Variants in LARGE1 observed in about 807,000 individuals in gnomAD.
LARGE1 encodes xylosyl- and glucuronyltransferase LARGE1.
Under a neutral mutation model 87.6 loss-of-function variants are expected in LARGE1, and 43 were observed. That is an observed-to-expected ratio of 0.49 (90% CI 0.38 to 0.63). The LOEUF (loss-of-function observed/expected upper bound fraction) is 0.63. LARGE1 is among the 30% of genes least tolerant of loss of function. The probability of loss-of-function intolerance (pLI) is 0.00; values close to 1 mark genes in which losing one functional copy is unlikely to be tolerated. For missense variants in LARGE1, 802 were observed against 1,000.2 expected (o/e 0.80, Z 2.67); for synonymous variants, 434 against 394.6 (o/e 1.10, Z -1.18).
At chr22:33,756,862 C>T (rs763169003) in intron 2 of LARGE1, among the ~76,000 whole-genome samples, 3 of 152,020 alleles carry the variant, frequency 2.0e-5, no homozygotes, top group Non-Finnish European at 4.4e-5. Context: ...AAACAACTGA[C>T]GCAGCTACAA....
chr22:33,837,750 A>G (rs944863450), intron 1 of LARGE1, among the ~76,000 whole-genome samples: 1 of 152,222 alleles, frequency 6.6e-6, no homozygotes, highest in African/African-American at 2.4e-5. Context: ...TGAGAACTTC[A>G]AGAGGCTCTG....
intron 6 of LARGE1, among the ~76,000 whole-genome samples, chr22:33,558,413 G>A (rs1291642948): frequency 6.6e-6 from 1 of 152,142 alleles, no homozygotes; most frequent in Non-Finnish European, 1.5e-5. Flanking sequence ...GAAGGAAAGG[G>A]GAAAGAAACA....
At chr22:33,808,679 C>T (rs1328818708) in intron 1 of LARGE1, among the ~76,000 whole-genome samples, 2 of 152,192 alleles carry the variant, frequency 1.3e-5, no homozygotes, top group Non-Finnish European at 2.9e-5. Flanking sequence ...TTCACAGTGA[C>T]GAGTACACTG....
chr22:33,319,553 G>A (rs1194719166), intron 10 of LARGE1, among the ~76,000 whole-genome samples: 2 of 152,094 alleles, frequency 1.3e-5, no homozygotes, highest in East Asian at 1.9e-4. Context: ...TCACCACCAC[G>A]CCCGGCTAAT....
At chr22:33,844,813 C>T (rs1043224686) in intron 1 of LARGE1, among the ~76,000 whole-genome samples, 8 of 151,676 alleles carry the variant, frequency 5.3e-5, no homozygotes, top group African/African-American at 7.3e-5. Flanking sequence ...CTCCGCCTCC[C>T]GGGCTCAAGA....
intron 2 of LARGE1, among the ~76,000 whole-genome samples, chr22:33,674,160 T>G (rs1419051092): frequency 6.6e-6 from 1 of 152,010 alleles, no homozygotes; most frequent in Non-Finnish European, 1.5e-5. Flanking sequence ...GCCATACTGG[T>G]CTCGAGCTCC....
chr22:33,159,103 C>T (rs1429231161), downstream of LARGE1, among the ~76,000 whole-genome samples: 4 of 151,950 alleles, frequency 2.6e-5, no homozygotes, highest in African/African-American at 7.3e-5. Context: ...TGTTTCAAAC[C>T]CTCATTTCTT....
chr22:33,337,952 T>G (rs1378636978), intron 9 of LARGE1, 151 bp from the exon 10 acceptor site: 2 of 843,670 alleles, frequency 2.4e-6, no homozygotes, highest in Non-Finnish European at 3.7e-6. Flanking sequence ...TGGTTAAGGG[T>G]AGGGGCTCGG....
chr22:33,406,702 G>A (rs2147379543), intron 7 of LARGE1, among the ~76,000 whole-genome samples: 1 of 152,312 alleles, frequency 6.6e-6, no homozygotes, highest in South Asian at 2.1e-4. Context: ...GTGGAGGAGT[G>A]GAATTTGGGG....
chr22:33,848,772 CAG>C (rs1385546090), intron 1 of LARGE1, among the ~76,000 whole-genome samples: 1 of 152,190 alleles, frequency 6.6e-6, no homozygotes, highest in Non-Finnish European at 1.5e-5. Flanking sequence ...GCCTCTGAGG[CAG>C]AGAGAGGGAC....
At chr22:33,212,951 G>T (rs1268604764) in intron 11 of LARGE1, among the ~76,000 whole-genome samples, 2 of 152,052 alleles carry the variant, frequency 1.3e-5, no homozygotes, top group African/African-American at 4.8e-5. Context: ...CCAGGAGGCG[G>T]GGTCTGCAGT....
chr22:33,277,031 A>G (rs1222956904), intron 14 of LARGE1, 29 bp downstream of exon 14: 1 of 1,610,042 alleles, frequency 6.2e-7, no homozygotes, highest in Non-Finnish European at 8.5e-7. Context: ...CCCGTCGACC[A>G]TACCAGGTGG....
intron 1 of LARGE1, among the ~76,000 whole-genome samples, chr22:33,884,855 A>G (rs889057901): frequency 1.1e-4 from 16 of 152,208 alleles, no homozygotes; most frequent in Non-Finnish European, 1.5e-4. Flanking sequence ...GGCTCTCTGC[A>G]GCTTCTGAGA....
At chr22:33,753,318 CA>C (rs986559441) in intron 2 of LARGE1, among the ~76,000 whole-genome samples, 2 of 152,188 alleles carry the variant, frequency 1.3e-5, no homozygotes, top group Admixed American at 6.5e-5. Flanking sequence ...AGGTTAGCAT[CA>C]GAGAGAAAGA....
At chr22:33,168,820 T>C (rs1922408364) in intron 11 of LARGE1, among the ~76,000 whole-genome samples, 1 of 152,188 alleles carries the variant, frequency 6.6e-6, no homozygotes, top group Non-Finnish European at 1.5e-5. Context: ...AATATCTACA[T>C]CAAATATACA....
Position 33,777,703 on chromosome 22 carries a change from G to GGAAGGGAAGGCAGGT in LARGE1, c.-82-16160_-82-16146dup, listed in dbSNP as rs1023840861. On this transcript the variant is annotated intron_variant, in intron 1 of 14. Coordinates refer to ENST00000397394, the MANE Select transcript of LARGE1 (RefSeq NM_133642.5). ...AAGGAGAAGGGGAAGGGAAGGCAGG[G>GGAAGGGAAGGCAGGT]GAAGGGAAGGCAGGTGAAGGGAAGG... 1.6e-4 allele frequency among the ~76,000 whole-genome samples: 23 copies of GGAAGGGAAGGCAGGT among 145,846 alleles called. No individual in the cohort carries two copies. The Middle Eastern group carries it at 0.011, about 67-fold the overall frequency.
chr22:33,201,352 G>T (rs1160901912), intron 11 of LARGE1, among the ~76,000 whole-genome samples: 1 of 147,754 alleles, frequency 6.8e-6, no homozygotes, highest in African/African-American at 2.5e-5. Context: ...GAAAGAGAGA[G>T]AAAGAGAGAG....
At chr22:33,170,596 C>T (rs1922514816) in intron 11 of LARGE1, among the ~76,000 whole-genome samples, 1 of 152,098 alleles carries the variant, frequency 6.6e-6, no homozygotes, top group Non-Finnish European at 1.5e-5. Flanking sequence ...TTGTAGTTTC[C>T]TCTGCACTCT....
At chr22:33,420,361 T>C (rs1016411293) in intron 7 of LARGE1, among the ~76,000 whole-genome samples, 2 of 152,114 alleles carry the variant, frequency 1.3e-5, no homozygotes, top group African/African-American at 4.8e-5. Context: ...TTACTACCTT[T>C]GAGGAACTTA....
Sources: gnomAD v4.1 joint callset for allele counts (sites outside exome capture counted in the v4.1 genomes callset) on GRCh38, gnomAD v4.1.1 for gene constraint, MANE v1.5 for transcripts, NCBI Gene and HGNC (gene_info 2026-07-23, HGNC 2026-07-21) for gene names.